BANP: variants seen among roughly 807,000 people sequenced by gnomAD.
BANP encodes the protein BTG3 associated nuclear protein.
In BANP, 11 loss-of-function variants were observed where a neutral mutation model predicts 68.1. The ratio of observed to expected loss-of-function variants is 0.16; its 90% CI spans 0.10 to 0.27. The LOEUF is 0.27. BANP is among the 10% of genes least tolerant of loss of function. The probability of loss-of-function intolerance (pLI) is 1.00; values close to 1 mark genes in which losing one functional copy is unlikely to be tolerated. For synonymous variants in BANP, 329 were observed against 303.2 expected (o/e 1.09, Z -0.88); for missense variants, 504 against 722.7 (o/e 0.70, Z 3.47).
chr16:88,044,302 C>T (rs567919499), intron 11 of BANP, among the ~76,000 whole-genome samples: 1 of 152,156 alleles, frequency 6.6e-6, no homozygotes, highest in Non-Finnish European at 1.5e-5. Context: ...TGCATGTGCA[C>T]ACACACAGTC....
intron 8 of BANP, among the ~76,000 whole-genome samples, chr16:88,028,355 G>T (rs1216254173): frequency 6.6e-6 from 1 of 152,218 alleles, no homozygotes; most frequent in Non-Finnish European, 1.5e-5. Context: ...GTCTTTGTTG[G>T]CGGGAACCCT....
intron 3 of BANP, among the ~76,000 whole-genome samples, chr16:87,983,338 T>A (rs2063655180): frequency 6.6e-6 from 1 of 152,200 alleles, no homozygotes; most frequent in East Asian, 1.9e-4. Flanking sequence ...CCTGTGTGAT[T>A]AACACGTTTC....
intron 1 of BANP, among the ~76,000 whole-genome samples, chr16:87,958,350 C>T (rs925407807): frequency 3.3e-5 from 5 of 152,182 alleles, no homozygotes; most frequent in South Asian, 2.1e-4. Context: ...GAGCATGGTT[C>T]GGAGTGGCTA....
At chr16:88,009,441 A>G (rs529092483) in intron 6 of BANP, among the ~76,000 whole-genome samples, 4 of 152,238 alleles carry the variant, frequency 2.6e-5, no homozygotes, top group Non-Finnish European at 5.9e-5. Context: ...AGAATTCCAA[A>G]TGGCTTGTGT....
intron 1 of BANP, chr16:87,952,243 T>TA (rs2057078830): frequency 1.3e-5 from 2 of 152,406 alleles, no homozygotes; most frequent in African/African-American, 4.8e-5. Context: ...ATTGCCTTGA[T>TA]AGAGGACTGA....
At chr16:88,033,627 G>C (rs997163423) in intron 9 of BANP, among the ~76,000 whole-genome samples, 1 of 152,206 alleles carries the variant, frequency 6.6e-6, no homozygotes, top group Non-Finnish European at 1.5e-5. Flanking sequence ...CTCTCTTACT[G>C]AGGGAAAGAG....
chr16:87,962,453 G>A (rs1053005117), intron 1 of BANP, among the ~76,000 whole-genome samples: 4 of 152,078 alleles, frequency 2.6e-5, no homozygotes, highest in Non-Finnish European at 5.9e-5. Flanking sequence ...CTGTACAGGT[G>A]CAAGCTCTTC....
chr16:88,023,861 G>A (rs2076474402), intron 7 of BANP, among the ~76,000 whole-genome samples: 1 of 152,232 alleles, frequency 6.6e-6, no homozygotes, highest in Non-Finnish European at 1.5e-5. Context: ...CAGGGATGCT[G>A]CCTGGCTGAG....
chr16:88,046,569 G>T (rs759274920), intron 11 of BANP, among the ~76,000 whole-genome samples: 1 of 150,878 alleles, frequency 6.6e-6, no homozygotes, highest in African/African-American at 2.4e-5. Flanking sequence ...TTTTTGACAC[G>T]GAGTCTTGCT....
chr16:88,016,035 T>G (rs1240221256), intron 6 of BANP, among the ~76,000 whole-genome samples: 6 of 152,190 alleles, frequency 3.9e-5, no homozygotes, highest in Non-Finnish European at 8.8e-5. Flanking sequence ...CAGCCTCTGC[T>G]TGCCAGCCAC....
intron 6 of BANP, 48 bp downstream of exon 6, chr16:88,006,313 T>C: frequency 1.3e-6 from 2 of 1,527,590 alleles, no homozygotes; most frequent in Non-Finnish European, 1.8e-6. Context: ...TACAATTGTT[T>C]GTTTGTTTTG....
chr16:88,048,977 C>T (rs2082639689), intron 11 of BANP, among the ~76,000 whole-genome samples: 1 of 152,182 alleles, frequency 6.6e-6, no homozygotes, highest in African/African-American at 2.4e-5. Context: ...TGGCAAAGCT[C>T]TGCAGACCAC....
intron 1 of BANP, among the ~76,000 whole-genome samples, chr16:87,962,167 G>C (rs552312017): frequency 4.6e-5 from 7 of 150,926 alleles, no homozygotes; most frequent in Non-Finnish European, 8.8e-5. Flanking sequence ...TTGAACCCGG[G>C]AGGTGGAGGT....
At chr16:88,026,816 G>T (rs948279298) in intron 7 of BANP, among the ~76,000 whole-genome samples, 12 of 152,256 alleles carry the variant, frequency 7.9e-5, no homozygotes, top group Admixed American at 7.2e-4. Flanking sequence ...TTTGCGAGGG[G>T]AACAGTAACA....
At chr16:88,001,568 C>A (rs1054828484) in intron 4 of BANP, among the ~76,000 whole-genome samples, 2 of 152,184 alleles carry the variant, frequency 1.3e-5, no homozygotes, top group Non-Finnish European at 2.9e-5. Flanking sequence ...TGATTTAAAT[C>A]GCGTTAGTTG....
chr16:88,048,249 C>T (rs1434814810), intron 11 of BANP, among the ~76,000 whole-genome samples: 3 of 152,228 alleles, frequency 2.0e-5, no homozygotes, highest in African/African-American at 7.2e-5. Context: ...ACTTAGCCAA[C>T]TAAAAATAAT....
rs558575871 is a variant in BANP, at chr16:88,072,867, TGGGAACGTGCCCAGC to T, written c.1521+659_1521+673del. Among the ~76,000 whole-genome samples the T allele has an allele frequency of 9.8e-5, 15 of 152,302 alleles. No individual in the cohort carries two copies. In the South Asian group the frequency reaches 2.9e-3, roughly 29 times the overall value. ...CCCGCAGCCTCCGTGCCACCTGCTT[TGGGAACGTGCCCAGC>T]GGGGACGTTGTCCTTGTTCTACCTC... On this transcript the variant is annotated intron_variant, in intron 13 of 13. Coordinates refer to ENST00000682872, the MANE Select transcript of BANP (RefSeq NM_001386991.1).
At chr16:87,976,379 T>C (rs1314758571) in intron 2 of BANP, among the ~76,000 whole-genome samples, 1 of 152,188 alleles carries the variant, frequency 6.6e-6, no homozygotes, top group East Asian at 1.9e-4. Context: ...TGTTTGTTTG[T>C]TTAAAGGAGA....
rs547988995 is a variant in BANP at position 88,044,441 on chromosome 16, C to T, written c.1311+6430C>T. On this transcript the variant is annotated intron_variant, in intron 11 of 13. Transcript: ENST00000682872. ...ACAGGTCCACAGAACGGTATTACTG[C>T]GTGCTGATTGCACTAATATTTTTTA... is the stretch of plus-strand genomic sequence containing the variant. Among the ~76,000 whole-genome samples, 19 of 152,350 alleles carry T rather than the reference C, an allele frequency of 1.2e-4. No homozygotes were observed. In the South Asian group the frequency reaches 2.1e-3, roughly 17 times the overall value.
Sources: gnomAD v4.1 joint callset for allele counts (sites outside exome capture counted in the v4.1 genomes callset) on GRCh38, gnomAD v4.1.1 for gene constraint, MANE v1.5 for transcripts, NCBI Gene and HGNC (gene_info 2026-07-23, HGNC 2026-07-21) for gene names.